ZNF248: variants seen among roughly 807,000 people sequenced by gnomAD.
The protein encoded by ZNF248 is KRAB protein domain.
A neutral mutation model predicts 44.3 loss-of-function variants in ZNF248; 20 were observed. The ratio of observed to expected loss-of-function variants is 0.45; its 90% CI spans 0.32 to 0.66. ZNF248 has a LOEUF of 0.66. Ranked by LOEUF, ZNF248 falls within the 30% of genes least tolerant of loss-of-function variation. The pLI is 0.04. For missense variants in ZNF248, 654 were observed against 677.0 expected (o/e 0.97, Z 0.38); for synonymous variants, 224 against 229.0 (o/e 0.98, Z 0.20).
rs1223796253 is a variant in ZNF248 at position 37,831,841 on chromosome 10, G to A, written c.1514C>T (p.Ser505Leu). 1.2e-6 allele frequency: 2 copies of A among 1,613,848 alleles called. No homozygotes were observed. The highest frequency in any genetic ancestry group is 1.7e-6 in the Non-Finnish European group (2 of 1,179,920). Residue 505 changes from serine (S) to leucine (L), a missense_variant, in exon 6 of 6, where the codon TCA becomes TTA. Transcript: ENST00000395867. ...NECGKSFCVK[S>L]NLIVHQRTHT... Reference sequence around the variant, plus strand: ...AGTTCTTTGATGTACAATGAGGTTTGACTTCACACAGAAGGATTTTCCACA... The same window carrying A: ...AGTTCTTTGATGTACAATGAGGTTTAACTTCACACAGAAGGATTTTCCACA...
intron 6 of ZNF248, among the ~76,000 whole-genome samples, chr10:37,809,576 C>G (rs1239372120): frequency 6.6e-6 from 1 of 152,206 alleles, no homozygotes; most frequent in Non-Finnish European, 1.5e-5. Context: ...CTGCTCCCAG[C>G]CTTCAGTTAG....
intron 6 of ZNF248, among the ~76,000 whole-genome samples, chr10:37,797,952 T>C (rs2049345119): frequency 6.6e-6 from 1 of 152,120 alleles, no homozygotes; most frequent in Non-Finnish European, 1.5e-5. Flanking sequence ...GCAAGTCTAC[T>C]CCTAGGTATA....
intron 6 of ZNF248, chr10:37,818,686 G>T (rs758097148): frequency 1.3e-5 from 7 of 543,902 alleles, no homozygotes; most frequent in African/African-American, 5.8e-5. Flanking sequence ...ACCAATTTTT[G>T]GATATAATGC....
At chr10:37,819,625 C>G in intron 6 of ZNF248, 1 of 818,292 alleles carries the variant, frequency 1.2e-6, no homozygotes. Flanking sequence ...GATTTCTAAC[C>G]CTTTCTAGCC....
chr10:37,822,512 T>C (rs1254205656), intron 6 of ZNF248, among the ~76,000 whole-genome samples: 1 of 152,196 alleles, frequency 6.6e-6, no homozygotes, highest in Non-Finnish European at 1.5e-5. Flanking sequence ...CATGATGGTT[T>C]GTGATAATCT....
At chr10:37,838,715 C>A (rs2057735396) in intron 3 of ZNF248, among the ~76,000 whole-genome samples, 1 of 148,678 alleles carries the variant, frequency 6.7e-6, no homozygotes, top group African/African-American at 2.5e-5. Context: ...TAAAAAAATT[C>A]ATGGTATGTG....
At chr10:37,770,892 C>T in the ZNF248 span, among the ~76,000 whole-genome samples, 4 of 152,124 alleles carry the variant, frequency 2.6e-5, no homozygotes, top group South Asian at 2.1e-4. Context: ...GGCTAATATC[C>T]GGAATCTACA....
At chr10:37,771,175 G>T in the ZNF248 span, among the ~76,000 whole-genome samples, 36 of 152,236 alleles carry the variant, frequency 2.4e-4, no homozygotes, top group African/African-American at 8.2e-4. Flanking sequence ...CTGTTGGTGG[G>T]AGTGTAAACC....
downstream of ZNF248, among the ~76,000 whole-genome samples, chr10:37,774,931 T>G (rs1173298381): frequency 6.6e-6 from 1 of 151,934 alleles, no homozygotes; most frequent in African/African-American, 2.4e-5. Flanking sequence ...CCACCACACC[T>G]GACTAATTTT....
downstream of ZNF248, among the ~76,000 whole-genome samples, chr10:37,775,074 T>G (rs1186355216): frequency 1.3e-5 from 2 of 152,200 alleles, no homozygotes; most frequent in Non-Finnish European, 2.9e-5. Flanking sequence ...CTGGCCTCTT[T>G]TGTTTATTCT....
the ZNF248 span, among the ~76,000 whole-genome samples, chr10:37,765,771 G>A: frequency 6.6e-6 from 1 of 151,904 alleles, no homozygotes; most frequent in Admixed American, 6.6e-5. Flanking sequence ...CAGGACAGTG[G>A]GTGCAGCACA....
intron 6 of ZNF248, chr10:37,804,035 A>C (rs1463249538): frequency 6.6e-6 from 1 of 152,408 alleles, no homozygotes; most frequent in Non-Finnish European, 1.5e-5. Context: ...AGGTTCCTGC[A>C]GCTGCTGGTT....
chr10:37,801,362 C>G (rs2049801552), intron 6 of ZNF248, among the ~76,000 whole-genome samples: 2 of 151,244 alleles, frequency 1.3e-5, no homozygotes. Context: ...GGTGACACAG[C>G]AAGACTCCGT....
intron 6 of ZNF248, among the ~76,000 whole-genome samples, chr10:37,780,926 A>C (rs996382666): frequency 7.2e-5 from 11 of 152,198 alleles, no homozygotes; most frequent in African/African-American, 2.7e-4. Flanking sequence ...ACAGGGAAGC[A>C]CTGCAGGAGA....
the ZNF248 span, among the ~76,000 whole-genome samples, chr10:37,760,322 C>G: frequency 2.6e-5 from 4 of 152,266 alleles, no homozygotes; most frequent in East Asian, 5.8e-4. Context: ...CTCAACTTCC[C>G]TGAGCTCAGG....
intron 6 of ZNF248, among the ~76,000 whole-genome samples, chr10:37,783,223 C>G (rs1334247727): frequency 6.6e-6 from 1 of 152,114 alleles, no homozygotes; most frequent in Non-Finnish European, 1.5e-5. Context: ...GAATACCTAG[C>G]AATAGACAAT....
intron 6 of ZNF248, among the ~76,000 whole-genome samples, chr10:37,778,551 T>C (rs2046881926): frequency 6.6e-6 from 1 of 152,110 alleles, no homozygotes; most frequent in African/African-American, 2.4e-5. Flanking sequence ...TTAGATCCCA[T>C]TTGTCAATTT....
intron 6 of ZNF248, among the ~76,000 whole-genome samples, chr10:37,802,041 AGGAC>A (rs1421483032): frequency 6.6e-6 from 1 of 152,220 alleles, no homozygotes; most frequent in Non-Finnish European, 1.5e-5. Flanking sequence ...GGGACATTAT[AGGAC>A]CTGCATGTAT....
chr10:37,791,162 C>T (rs577280479), intron 6 of ZNF248, among the ~76,000 whole-genome samples: 34 of 147,846 alleles, frequency 2.3e-4, no homozygotes, highest in African/African-American at 8.2e-4. Context: ...CTGCCTCAGC[C>T]TCCCAAGTAG....
Sources: allele counts gnomAD v4.1 joint callset (sites outside exome capture counted in the v4.1 genomes callset), GRCh38; gene constraint gnomAD v4.1.1; transcripts MANE v1.5; gene names NCBI Gene and HGNC (gene_info 2026-07-23, HGNC 2026-07-21).